ELAVL3: variants seen among roughly 807,000 people sequenced by gnomAD.
The protein encoded by ELAVL3 is ELAV-like protein 3.
ELAVL3 carries 8 observed loss-of-function variants against 34.2 expected under a neutral mutation model. The observed-to-expected ratio is 0.23, with a 90% CI of 0.14 to 0.42. The LOEUF (loss-of-function observed/expected upper bound fraction) is 0.42. Ranked by LOEUF, ELAVL3 falls within the 10% of genes least tolerant of loss-of-function variation. The pLI, the probability that ELAVL3 is intolerant of heterozygous loss-of-function variation, is 1.00. For synonymous variants in ELAVL3, 209 were observed against 222.1 expected (o/e 0.94, Z 0.53); for missense variants, 273 against 518.8 (o/e 0.53, Z 4.60).
chr19:11,464,095 C>T (rs949726149), intron 3 of ELAVL3, among the ~76,000 whole-genome samples: 1 of 147,618 alleles, frequency 6.8e-6, no homozygotes, highest in Non-Finnish European at 1.5e-5. Context: ...CTCCCTCTCT[C>T]TCCCTCTCTC....
Position 11,466,820 on chromosome 19 carries a change from A to C in ELAVL3, c.17T>G (p.Leu6Arg). Reference protein sequence around the residue: MVTQILGAMESQVGGG... With the variant: MVTQIRGAMESQVGGG... ...CCCCACCTGAGACTCCATGGCCCCC[A>C]GTATCTGCTGGAGATAACAGGTCGC... Residue 6 changes from leucine (L) to arginine (R), a missense_variant, in exon 2 of 7, where the codon CTG becomes CGG. By Grantham distance (102) the Leu-to-Arg change is moderately radical. This residue lies in a region of ELAVL3 where 40 missense variants were observed against 40.8 expected (regional missense o/e 0.98). Transcript: ENST00000359227. This position sits in a 1 kb window ranked among gnomAD's most constrained non-coding sequence, Gnocchi z 5.0. 2 of 1,602,918 alleles carry C rather than the reference A, an allele frequency of 1.2e-6. No homozygotes were observed. Among genetic ancestry groups the C allele is most frequent in the Non-Finnish European group, 1.7e-6 (2 of 1,174,532 alleles).
Position 11,454,536 on chromosome 19 carries a change from T to C in ELAVL3, c.1094A>G (p.His365Arg). ...GCAGGCGGGGTGGGCTCACGCCTTGTGCTGTTTGCTGGTCTTGAAGGAGAC... is the reference window on the plus strand; with the variant it reads ...GCAGGCGGGGTGGGCTCACGCCTTGCGCTGTTTGCTGGTCTTGAAGGAGAC... Reference protein sequence around the residue: ...LQVSFKTSKQHKA With the variant: ...LQVSFKTSKQRKA Residue 365 changes from histidine (H) to arginine (R), a missense_variant, in exon 7 of 7, where the codon CAC (histidine) becomes CGC (arginine). Around this residue, in one of 4 missense-constraint regions of ELAVL3, gnomAD observed 52 missense variants for 119.6 expected, o/e 0.43. Transcript: ENST00000359227. The surrounding 1 kb of genome is among the most constrained non-coding windows in gnomAD (Gnocchi z 9.2). 6.2e-7 allele frequency: 1 copy of C among 1,607,992 alleles called. No homozygotes were observed. The highest frequency in any genetic ancestry group is 8.5e-7 in the Non-Finnish European group (1 of 1,176,506).
At chr19:11,479,162 T>C (rs1971319164) in intron 1 of ELAVL3, among the ~76,000 whole-genome samples, 2 of 152,120 alleles carry the variant, frequency 1.3e-5, no homozygotes, top group Admixed American at 6.6e-5. Flanking sequence ...GCTGGACTGT[T>C]GCGGGAGTTC....
Position 11,466,918 on chromosome 19 carries a change from G to A in ELAVL3, c.10-91C>T, listed in dbSNP as rs549965961. The A allele has an allele frequency of 7.2e-4, 764 of 1,061,598 alleles. 1 individual carries two copies. The highest frequency in any genetic ancestry group is 9.7e-4 in the Non-Finnish European group (709 of 732,736). The allele number at this position is 1,061,598 out of a possible 1,614,324, so 65.8% of individuals were successfully genotyped here. ...GGCTTGGTGGTGATGAATTAGCCATGTCTTATAGGGGCTTCGTCATGGGGA... is the reference window on the plus strand; with the variant it reads ...GGCTTGGTGGTGATGAATTAGCCATATCTTATAGGGGCTTCGTCATGGGGA... On this transcript the variant is annotated intron_variant, in intron 1 of 6. Coordinates refer to ENST00000359227, the MANE Select transcript of ELAVL3 (RefSeq NM_001420.4). This position sits in a 1 kb window ranked among gnomAD's most constrained non-coding sequence, Gnocchi z 5.0.
intron 1 of ELAVL3, among the ~76,000 whole-genome samples, chr19:11,476,347 T>C (rs1192154845): frequency 6.6e-6 from 1 of 152,104 alleles, no homozygotes; most frequent in Non-Finnish European, 1.5e-5. Flanking sequence ...GAGAGCAGCC[T>C]GGGCAACACA....
intron 1 of ELAVL3, among the ~76,000 whole-genome samples, chr19:11,472,664 G>A (rs534309648): frequency 6.6e-6 from 1 of 151,894 alleles, no homozygotes; most frequent in South Asian, 2.1e-4. Flanking sequence ...TGGCACCACT[G>A]TACTCCAGCC....
At chr19:11,456,599 A>G (rs1471667373) in intron 6 of ELAVL3, among the ~76,000 whole-genome samples, 1 of 147,026 alleles carries the variant, frequency 6.8e-6, no homozygotes, top group East Asian at 2.0e-4. Context: ...TTCCATGTTC[A>G]AGCGATTCTC....
rs929682545 is a variant in ELAVL3 at position 11,480,705 on chromosome 19, G to A, written c.-97C>T. On this transcript the variant is annotated 5_prime_UTR_variant, in exon 1 of 7. Coordinates refer to ENST00000359227, the MANE Select transcript of ELAVL3 (RefSeq NM_001420.4). This position sits in a 1 kb window ranked among gnomAD's most constrained non-coding sequence, Gnocchi z 6.8. Reference sequence around the variant, plus strand: ...CGATGCTCACGCTGGGGTCCCGCCCGGGCGGCCTCTGGTGCGGCCGCTGCA... The same window carrying A: ...CGATGCTCACGCTGGGGTCCCGCCCAGGCGGCCTCTGGTGCGGCCGCTGCA... 3.2e-6 allele frequency: 4 copies of A among 1,241,076 alleles called. No individual in the cohort carries two copies. The highest frequency in any genetic ancestry group is 3.2e-6 in the Non-Finnish European group (3 of 948,990). The allele number at this position is 1,241,076 out of a possible 1,614,324, so 76.9% of individuals were successfully genotyped here.
intron 6 of ELAVL3, among the ~76,000 whole-genome samples, chr19:11,455,710 G>C (rs1356215514): frequency 6.6e-6 from 1 of 152,102 alleles, no homozygotes; most frequent in Non-Finnish European, 1.5e-5. Context: ...TGAAATTACA[G>C]GTGTGAGCCA....
At position 11,452,009 on chromosome 19, in the gene ELAVL3, A is replaced by AGG. The variant is rs1403594433; in HGVS notation, c.*2515_*2516dup. On this transcript the variant is annotated 3_prime_UTR_variant, in exon 7 of 7. Coordinates refer to ENST00000359227, the MANE Select transcript of ELAVL3 (RefSeq NM_001420.4). Reference sequence around the variant, plus strand: ...TGCCCTGCTGCAGGGGAGAGGAGAGAGGGCAGGGAGGACTTAAAACCACGA... The same window carrying AGG: ...TGCCCTGCTGCAGGGGAGAGGAGAGAGGGGGCAGGGAGGACTTAAAACCACGA... The AGG allele has an allele frequency of 6.6e-6, 1 of 152,164 alleles. No homozygotes were observed. The highest frequency in any genetic ancestry group is 1.5e-5 in the Non-Finnish European group (1 of 68,010). The allele number at this position is 152,164 out of a possible 1,614,324, so 9.4% of individuals were successfully genotyped here.
At chr19:11,465,279 ACACACACACACAC>A (rs1206857343) in intron 3 of ELAVL3, among the ~76,000 whole-genome samples, 5 of 71,654 alleles carry the variant, frequency 7.0e-5, no homozygotes, top group African/African-American at 4.0e-4. Flanking sequence ...CCACACACAT[ACACACACACACAC>A]CACACACACA....
At position 11,480,352 on chromosome 19, in the gene ELAVL3, G is replaced by A; in HGVS notation, c.9+248C>T. On this transcript the variant is annotated intron_variant, in intron 1 of 6. Coordinates refer to ENST00000359227, the MANE Select transcript of ELAVL3 (RefSeq NM_001420.4). The surrounding 1 kb of genome is among the most constrained non-coding windows in gnomAD (Gnocchi z 6.8). ...GAGAGGGGGCAATCCCGCCTCCAGGGCGGCGTCGGACGCCTCCCGAATCGC... is the reference window on the plus strand; with the variant it reads ...GAGAGGGGGCAATCCCGCCTCCAGGACGGCGTCGGACGCCTCCCGAATCGC... 1 of 407,862 alleles carries A rather than the reference G, an allele frequency of 2.5e-6. No homozygotes were observed. The highest frequency in any genetic ancestry group is 8.7e-5 in the South Asian group (1 of 11,546). The allele number at this position is 407,862 out of a possible 1,614,324, so 25.3% of individuals were successfully genotyped here.
rs61744781 is a variant in ELAVL3 at position 11,458,582 on chromosome 19, G to A, written c.363C>T (p.Ser121=). The change falls in exon 4 of 7, where the codon TCC becomes TCT. Residue 121 remains serine, a synonymous_variant. Transcript: ENST00000359227. This position sits in a 1 kb window ranked among gnomAD's most constrained non-coding sequence, Gnocchi z 7.3. The part of the protein sequence containing the change: ...KVSYARPSSA[S]IRDANLYVSG... ...TGACGTACAGGTTAGCATCCCGGAT[G>A]GATGCTGAACTGGGTCTGGCATAGG... is the stretch of plus-strand genomic sequence containing the variant. The A allele has an allele frequency of 0.063, 102,396 of 1,613,954 alleles. 3,633 individuals are homozygous for A. The highest frequency in any genetic ancestry group is 0.12 in the Admixed American group (7,385 of 60,022).
chr19:11,456,971 TCA>T (rs1340383543), intron 6 of ELAVL3, 137 bp downstream of exon 6: 2 of 758,858 alleles, frequency 2.6e-6, no homozygotes, highest in East Asian at 3.4e-5. Flanking sequence ...GGCTTTGATG[TCA>T]CATCTCTCAA....
intron 3 of ELAVL3, among the ~76,000 whole-genome samples, chr19:11,461,901 C>T (rs1003375177): frequency 5.3e-5 from 8 of 152,154 alleles, no homozygotes; most frequent in Non-Finnish European, 1.0e-4. Flanking sequence ...TAAAGCTGGG[C>T]GCGGTGGCGC....
chr19:11,464,135 C>T (rs1441095240), intron 3 of ELAVL3, among the ~76,000 whole-genome samples: 4 of 108,584 alleles, frequency 3.7e-5, no homozygotes, highest in Admixed American at 1.8e-4. Flanking sequence ...CTCTCTCTCT[C>T]TCTCTCTCTC....
chr19:11,463,487 A>C (rs1970934400), intron 3 of ELAVL3, among the ~76,000 whole-genome samples: 1 of 152,104 alleles, frequency 6.6e-6, no homozygotes, highest in Admixed American at 6.6e-5. Context: ...AGGTCGTAGA[A>C]CCACATACCC....
intron 3 of ELAVL3, among the ~76,000 whole-genome samples, chr19:11,464,722 ACAT>A (rs1479040634): frequency 1.6e-5 from 2 of 127,706 alleles, no homozygotes; most frequent in Non-Finnish European, 3.2e-5. Flanking sequence ...ACACACACAC[ACAT>A]CACACACACA....
rs774874323 is a variant in ELAVL3 at position 11,454,164 on chromosome 19, C to CA, written c.*361dup. ...TGGGAGGGCACCCCCTGGAGCCCCC[C>CA]AAGCCATCCCATCGGGGGTGGTCGA... On this transcript the variant is annotated 3_prime_UTR_variant, in exon 7 of 7. Transcript: ENST00000359227. This position sits in a 1 kb window ranked among gnomAD's most constrained non-coding sequence, Gnocchi z 9.2. 4.8e-6 allele frequency: 1 copy of CA among 209,186 alleles called. No homozygotes were observed. The highest frequency in any genetic ancestry group is 9.7e-6 in the Non-Finnish European group (1 of 103,244). 13.0% of individuals were successfully genotyped at this position (209,186 alleles called of 1,614,324 possible).
Sources: gnomAD v4.1 joint callset for allele counts (sites outside exome capture counted in the v4.1 genomes callset) on GRCh38, gnomAD v4.1.1 for gene constraint, gnomAD v4.1.1 regional missense constraint, Gnocchi (gnomAD v3.1) non-coding constraint, MANE v1.5 for transcripts, NCBI Gene and HGNC (gene_info 2026-07-23, HGNC 2026-07-21) for gene names.